ZMAT4: variants seen among roughly 807,000 people sequenced by gnomAD.
ZMAT4 encodes zinc finger matrin-type 4, also known as zinc finger matrin-type protein 4.
A neutral mutation model predicts 28.7 loss-of-function variants in ZMAT4; 17 were observed. The ratio of observed to expected loss-of-function variants is 0.59; its 90% CI spans 0.41 to 0.89. ZMAT4 has a LOEUF of 0.89. Ranked by LOEUF, ZMAT4 falls within the 40% of genes least tolerant of loss-of-function variation. The pLI, the probability that ZMAT4 is intolerant of heterozygous loss-of-function variation, is 0.00. For synonymous variants in ZMAT4, 117 were observed against 109.2 expected, an observed-to-expected ratio of 1.07 and a Z score of -0.44; for missense variants, 240 against 283.8, an observed-to-expected ratio of 0.85 and a Z score of 1.11.
chr8:40,779,999 T>G (rs1813764426), intron 2 of ZMAT4, among the ~76,000 whole-genome samples: 2 of 152,120 alleles, frequency 1.3e-5, no homozygotes, highest in South Asian at 4.2e-4. Context: ...CTGCCAGTTT[T>G]CATTTCTCAG....
chr8:40,724,347 T>C (rs921102521), intron 3 of ZMAT4, among the ~76,000 whole-genome samples: 2 of 152,204 alleles, frequency 1.3e-5, no homozygotes, highest in African/African-American at 4.8e-5. Context: ...GTGAAATCAT[T>C]CTCTAAGCTG....
At chr8:40,812,182 T>A (rs539893066) in intron 2 of ZMAT4, among the ~76,000 whole-genome samples, 3 of 152,118 alleles carry the variant, frequency 2.0e-5, no homozygotes, top group African/African-American at 7.2e-5. Flanking sequence ...TGCCTGATGA[T>A]ATCCTCCCAA....
intron 1 of ZMAT4, among the ~76,000 whole-genome samples, chr8:40,876,228 C>G (rs748750086): frequency 6.6e-6 from 1 of 152,162 alleles, no homozygotes; most frequent in African/African-American, 2.4e-5. Context: ...GCCTCCTCAA[C>G]ACGAAGACAA....
intron 1 of ZMAT4, among the ~76,000 whole-genome samples, chr8:40,879,551 C>T (rs1365199885): frequency 6.6e-6 from 1 of 152,142 alleles, no homozygotes; most frequent in Non-Finnish European, 1.5e-5. Context: ...AAATCCATGC[C>T]AGGACGGATC....
intron 1 of ZMAT4, among the ~76,000 whole-genome samples, chr8:40,827,632 T>C (rs918825303): frequency 9.2e-5 from 14 of 152,204 alleles, no homozygotes; most frequent in African/African-American, 3.4e-4. Context: ...TAAGAGACAA[T>C]AATGCCTGTG....
chr8:40,754,838 C>A (rs1429726763), intron 3 of ZMAT4, among the ~76,000 whole-genome samples: 2 of 152,028 alleles, frequency 1.3e-5, no homozygotes, highest in Non-Finnish European at 2.9e-5. Context: ...CATAGTGAGA[C>A]CTTGTATCAA....
chr8:40,721,549 G>T (rs903734490), intron 3 of ZMAT4, among the ~76,000 whole-genome samples: 1 of 133,646 alleles, frequency 7.5e-6, no homozygotes, highest in African/African-American at 2.9e-5. Context: ...CTGAGGAATC[G>T]CCACACTGAT....
intron 1 of ZMAT4, among the ~76,000 whole-genome samples, chr8:40,859,511 T>G: frequency 6.6e-6 from 1 of 152,018 alleles, no homozygotes. Context: ...TCTGAGTTAA[T>G]TATCGGACAA....
At chr8:40,588,972 C>G (rs1376146908) in intron 5 of ZMAT4, among the ~76,000 whole-genome samples, 1 of 152,174 alleles carries the variant, frequency 6.6e-6, no homozygotes, top group African/African-American at 2.4e-5. Flanking sequence ...AAAGCTGGAA[C>G]TATTTTGAAA....
chr8:40,840,378 A>AG (rs1191218291), intron 1 of ZMAT4, among the ~76,000 whole-genome samples: 1 of 152,116 alleles, frequency 6.6e-6, no homozygotes, highest in Non-Finnish European at 1.5e-5. Flanking sequence ...CCTGCACCAA[A>AG]GCCCAGTTTC....
chr8:40,702,975 G>T (rs1249562026), intron 3 of ZMAT4, among the ~76,000 whole-genome samples: 2 of 152,040 alleles, frequency 1.3e-5, no homozygotes, highest in Non-Finnish European at 2.9e-5. Flanking sequence ...AAGCATAGTG[G>T]ATAGCAGTGT....
chr8:40,644,619 T>C (rs1807215558), intron 5 of ZMAT4, among the ~76,000 whole-genome samples: 1 of 152,192 alleles, frequency 6.6e-6, no homozygotes, highest in Non-Finnish European at 1.5e-5. Context: ...TGCAGAATTA[T>C]TTTGAATAAT....
chr8:40,595,433 C>T (rs948297650), intron 5 of ZMAT4, among the ~76,000 whole-genome samples: 4 of 152,058 alleles, frequency 2.6e-5, no homozygotes, highest in African/African-American at 9.7e-5. Flanking sequence ...GGGATATGTT[C>T]TGAGAAATGC....
At chr8:40,752,454 A>T (rs1812491956) in intron 3 of ZMAT4, among the ~76,000 whole-genome samples, 1 of 152,124 alleles carries the variant, frequency 6.6e-6, no homozygotes. Context: ...CTGCATCTTC[A>T]TGCAACTTCA....
chr8:40,724,791 G>C (rs563498734), intron 3 of ZMAT4, among the ~76,000 whole-genome samples: 1 of 152,296 alleles, frequency 6.6e-6, no homozygotes, highest in South Asian at 2.1e-4. Flanking sequence ...ATGTGGAGAT[G>C]AGAAAGGAGA....
chr8:40,897,669 G>A lies in ZMAT4; in HGVS notation c.-5+14C>T, dbSNP rs1183718299. On this transcript the variant is annotated intron_variant, in intron 1 of 6. Transcript: ENST00000297737. ...GACGCAGGCGCTGCACCCCCGGGACGCAGGCAGAGGTACCTTTTCCGCGAG... is the reference window on the plus strand; with the variant it reads ...GACGCAGGCGCTGCACCCCCGGGACACAGGCAGAGGTACCTTTTCCGCGAG... The A allele has an allele frequency of 6.6e-6, 1 of 152,364 alleles. No individual in the cohort carries two copies. 9.4% of individuals were successfully genotyped at this position (152,364 alleles called of 1,614,324 possible).
At chr8:40,841,771 A>G (rs549868675) in intron 1 of ZMAT4, among the ~76,000 whole-genome samples, 1 of 152,356 alleles carries the variant, frequency 6.6e-6, no homozygotes, top group Admixed American at 6.5e-5. Context: ...GAATGGAGTA[A>G]TAAAAGTAAA....
intron 5 of ZMAT4, among the ~76,000 whole-genome samples, chr8:40,623,126 G>T (rs1246611435): frequency 6.6e-6 from 1 of 152,082 alleles, no homozygotes; most frequent in African/African-American, 2.4e-5. Context: ...GAATAATAAG[G>T]ACAGTGCAAA....
chr8:40,763,488 G>C (rs926743653), intron 3 of ZMAT4, among the ~76,000 whole-genome samples: 2 of 152,142 alleles, frequency 1.3e-5, no homozygotes, highest in African/African-American at 4.8e-5. Flanking sequence ...CGTGTGGAAA[G>C]TGCATGATAA....
Sources: gnomAD v4.1 joint callset for allele counts (sites outside exome capture counted in the v4.1 genomes callset) on GRCh38, gnomAD v4.1.1 for gene constraint, MANE v1.5 for transcripts, NCBI Gene and HGNC (gene_info 2026-07-23, HGNC 2026-07-21) for gene names.